The following SMIM14 variants were observed in gnomAD, a reference collection of about 807,000 sequenced individuals.
The protein encoded by SMIM14 is chromosome 4 open reading frame 34.
A neutral mutation model predicts 12.6 loss-of-function variants in SMIM14; 5 were observed. That is an observed-to-expected ratio of 0.40 (90% CI 0.21 to 0.83). The LOEUF is 0.83. SMIM14 is among the 40% of genes least tolerant of loss of function. The pLI is 0.37. For missense variants in SMIM14, 86 were observed against 119.1 expected (o/e 0.72, Z 1.29); for synonymous variants, 30 against 40.1 (o/e 0.75, Z 0.95).
At chr4:39,618,648 T>G (rs1236721122) in intron 1 of SMIM14, among the ~76,000 whole-genome samples, 1 of 26,954 alleles carries the variant, frequency 3.7e-5, no homozygotes, top group Non-Finnish European at 6.7e-5. Context: ...AGACTCCATC[T>G]CAAAAAAAAA....
intron 1 of SMIM14, among the ~76,000 whole-genome samples, chr4:39,611,116 G>A (rs1374069994): frequency 1.3e-5 from 2 of 152,228 alleles, no homozygotes; most frequent in East Asian, 1.9e-4. Context: ...AAAAGTGAGC[G>A]AAGATTACAT....
At chr4:39,565,161 C>T (rs28360956) in intron 3 of SMIM14, among the ~76,000 whole-genome samples, 2,364 of 152,182 alleles carry the variant, frequency 0.016, 49 homozygotes, top group African/African-American at 0.054. Flanking sequence ...GAGGTTGCAG[C>T]AAGCCATGAT....
At chr4:39,631,061 G>C (rs2109257263) in intron 1 of SMIM14, among the ~76,000 whole-genome samples, 1 of 152,246 alleles carries the variant, frequency 6.6e-6, no homozygotes, top group Middle Eastern at 3.4e-3. Context: ...GTTTTTGCCA[G>C]GGCATGGTAG....
At chr4:39,628,229 C>T (rs997554015) in intron 1 of SMIM14, among the ~76,000 whole-genome samples, 1 of 151,630 alleles carries the variant, frequency 6.6e-6, no homozygotes, top group African/African-American at 2.4e-5. Flanking sequence ...ACTGCTTGAA[C>T]CTGGGAGGCA....
intron 1 of SMIM14, among the ~76,000 whole-genome samples, chr4:39,628,782 G>T (rs2109255106): frequency 6.7e-6 from 1 of 148,154 alleles, no homozygotes; most frequent in African/African-American, 2.5e-5. Flanking sequence ...ACCCAGGCTG[G>T]AGTGCAGCAG....
At chr4:39,588,291 C>T (rs1314000029) in intron 2 of SMIM14, among the ~76,000 whole-genome samples, 37 of 152,020 alleles carry the variant, frequency 2.4e-4, no homozygotes, top group Non-Finnish European at 1.5e-5. Context: ...CCTGTAATCC[C>T]AGCACTTTGG....
intron 3 of SMIM14, among the ~76,000 whole-genome samples, chr4:39,569,284 C>A (rs1712741462): frequency 6.6e-6 from 1 of 152,150 alleles, no homozygotes; most frequent in South Asian, 2.1e-4. Flanking sequence ...CTACTTTAGG[C>A]TAGGCACTGC....
chr4:39,573,820 T>C (rs1713021693), intron 2 of SMIM14, among the ~76,000 whole-genome samples: 1 of 152,066 alleles, frequency 6.6e-6, no homozygotes, highest in Admixed American at 6.6e-5. Flanking sequence ...GAAGGTACAA[T>C]GGGGGAGTAG....
chr4:39,638,355 A>G (rs1394463683), intron 1 of SMIM14: 6 of 579,108 alleles, frequency 1.0e-5, no homozygotes, highest in African/African-American at 4.1e-5. Flanking sequence ...GGTAAACAAG[A>G]TAGTGTGGAT....
intron 4 of SMIM14, among the ~76,000 whole-genome samples, chr4:39,555,943 G>T (rs1236175151): frequency 3.9e-5 from 6 of 152,132 alleles, no homozygotes; most frequent in African/African-American, 1.4e-4. Context: ...GATTATTTTT[G>T]ATGCTTCTCA....
chr4:39,590,659 G>A (rs916823715), intron 2 of SMIM14, among the ~76,000 whole-genome samples: 15 of 151,930 alleles, frequency 9.9e-5, no homozygotes, highest in East Asian at 3.9e-4. Flanking sequence ...AAAGTTAGCC[G>A]GGCGTGGTGG....
chr4:39,553,217 C>T (rs1711815052), intron 4 of SMIM14, among the ~76,000 whole-genome samples: 1 of 151,832 alleles, frequency 6.6e-6, no homozygotes, highest in Non-Finnish European at 1.5e-5. Flanking sequence ...TGTGCCACCA[C>T]ACCTGGTTAA....
At chr4:39,554,648 A>G (rs1443918158) in intron 4 of SMIM14, among the ~76,000 whole-genome samples, 1 of 111,702 alleles carries the variant, frequency 9.0e-6, no homozygotes, top group Admixed American at 1.0e-4. Context: ...TATCATGGAA[A>G]TTTTCCTTTT....
At chr4:39,618,260 G>A (rs1024995908) in intron 1 of SMIM14, among the ~76,000 whole-genome samples, 2 of 152,168 alleles carry the variant, frequency 1.3e-5, no homozygotes, top group African/African-American at 2.4e-5. Flanking sequence ...GCATTCAATC[G>A]AGCCCAACTC....
At chr4:39,605,293 GTT>G (rs1394449171) in intron 1 of SMIM14, 113 bp from the exon 2 acceptor site, 8 of 542,168 alleles carry the variant, frequency 1.5e-5, no homozygotes, top group Non-Finnish European at 2.5e-5. Context: ...ACTATGTATA[GTT>G]TGTATTTATT....
At chr4:39,557,325 T>A (rs1009060657) in intron 3 of SMIM14, among the ~76,000 whole-genome samples, 1 of 152,012 alleles carries the variant, frequency 6.6e-6, no homozygotes, top group African/African-American at 2.4e-5. Flanking sequence ...CACCCCTAAT[T>A]TTTTTTAAAA....
intron 2 of SMIM14, chr4:39,593,406 A>C (rs1040333544): frequency 2.0e-5 from 3 of 152,180 alleles, no homozygotes; most frequent in African/African-American, 7.2e-5. Flanking sequence ...ACGTATCTCA[A>C]AATAATAAGA....
intron 1 of SMIM14, among the ~76,000 whole-genome samples, chr4:39,619,197 ATTC>A (rs1560306785): frequency 1.4e-5 from 2 of 143,770 alleles, no homozygotes; most frequent in African/African-American, 5.0e-5. Context: ...AATTTAATTT[ATTC>A]TATATATCAA....
intron 1 of SMIM14, among the ~76,000 whole-genome samples, chr4:39,606,477 C>T (rs984277935): frequency 2.6e-5 from 4 of 151,958 alleles, no homozygotes; most frequent in Admixed American, 2.6e-4. Flanking sequence ...CCCGTCTCTA[C>T]TAAAAATACA....
Sources: allele counts gnomAD v4.1 joint callset (sites outside exome capture counted in the v4.1 genomes callset), GRCh38; gene constraint gnomAD v4.1.1; transcripts MANE v1.5; gene names NCBI Gene and HGNC (gene_info 2026-07-23, HGNC 2026-07-21).